The following EPHA6 variants were observed in gnomAD, a reference collection of about 807,000 sequenced individuals.
EPHA6 encodes EPH receptor A6.
A neutral mutation model predicts 112.0 loss-of-function variants in EPHA6; 50 were observed. The ratio of observed to expected loss-of-function variants is 0.45; its 90% CI spans 0.36 to 0.56. The LOEUF is 0.56. EPHA6 is among the 20% of genes least tolerant of loss of function. The probability of loss-of-function intolerance (pLI) is 0.00; values close to 1 mark genes in which losing one functional copy is unlikely to be tolerated. For synonymous variants in EPHA6, 529 were observed against 490.7 expected, an observed-to-expected ratio of 1.08 and a Z score of -1.03; for missense variants, 1,280 against 1,417.4, an observed-to-expected ratio of 0.90 and a Z score of 1.56.
chr3:97,268,815 A>G (rs1177439804), intron 5 of EPHA6, among the ~76,000 whole-genome samples: 2 of 152,204 alleles, frequency 1.3e-5, no homozygotes, highest in Non-Finnish European at 2.9e-5. Context: ...TATTAATGTA[A>G]GGATACTAAT....
At position 97,071,069 on chromosome 3, in the gene EPHA6, A is replaced by T. The variant is rs149535692; in HGVS notation, c.1114+83076A>T. Among the ~76,000 whole-genome samples the T allele has an allele frequency of 4.9e-3, 753 of 152,122 alleles. 6 individuals are homozygous for T. The highest frequency in any genetic ancestry group is 0.016 in the African/African-American group (663 of 41,546). ...TCTCCCACGAGAAAAATAGGACTAGATCCTTTGTTTGTCAGTAATTCCAAA... is the reference window on the plus strand; with the variant it reads ...TCTCCCACGAGAAAAATAGGACTAGTTCCTTTGTTTGTCAGTAATTCCAAA... On this transcript the variant is annotated intron_variant, in intron 3 of 17. Transcript: ENST00000389672.
At chr3:97,192,401 G>A (rs1057496635) in intron 3 of EPHA6, among the ~76,000 whole-genome samples, 5 of 152,104 alleles carry the variant, frequency 3.3e-5, no homozygotes, top group Non-Finnish European at 5.9e-5. Context: ...CAAAGTGCTA[G>A]GATTACAGGT....
chr3:97,748,339 T>C (rs1189900479), intron 17 of EPHA6, among the ~76,000 whole-genome samples: 2 of 152,106 alleles, frequency 1.3e-5, no homozygotes, highest in Non-Finnish European at 2.9e-5. Flanking sequence ...ATTAACTTTA[T>C]GTATTCTGTG....
At chr3:97,303,226 A>T (rs1481434491) in intron 5 of EPHA6, among the ~76,000 whole-genome samples, 1 of 152,008 alleles carries the variant, frequency 6.6e-6, no homozygotes, top group East Asian at 1.9e-4. Flanking sequence ...TGCAATCTTA[A>T]TCCACATCCA....
intron 14 of EPHA6, among the ~76,000 whole-genome samples, chr3:97,675,302 A>G (rs1479987438): frequency 6.6e-6 from 1 of 152,046 alleles, no homozygotes; most frequent in African/African-American, 2.4e-5. Context: ...ACCATGGTGA[A>G]ACCCCGTGTC....
chr3:96,988,714 A>G (rs1002139646), intron 3 of EPHA6, among the ~76,000 whole-genome samples: 4 of 152,130 alleles, frequency 2.6e-5, no homozygotes, highest in Non-Finnish European at 5.9e-5. Flanking sequence ...ATTTTTCACC[A>G]TATAACACAT....
At position 97,674,343 on chromosome 3, in the gene EPHA6, C is replaced by G. The variant is rs924588349; in HGVS notation, c.2784+36261C>G. Among the ~76,000 whole-genome samples, 10 of 152,168 alleles carry G rather than the reference C, an allele frequency of 6.6e-5. 1 individual carries two copies. The highest frequency in any genetic ancestry group is 2.2e-4 in the African/African-American group (9 of 41,448). ...CTCAGGCAAGAACAGTTGCAAAGTACTTATTTTCAGCAATTCAGTTTTATC... is the reference window on the plus strand; with the variant it reads ...CTCAGGCAAGAACAGTTGCAAAGTAGTTATTTTCAGCAATTCAGTTTTATC... On this transcript the variant is annotated intron_variant, in intron 14 of 17. Coordinates refer to ENST00000389672, the MANE Select transcript of EPHA6 (RefSeq NM_001080448.3).
intron 11 of EPHA6, among the ~76,000 whole-genome samples, chr3:97,573,720 A>G (rs982555361): frequency 6.6e-6 from 1 of 152,134 alleles, no homozygotes; most frequent in African/African-American, 2.4e-5. Flanking sequence ...TGTTTAGCCT[A>G]CAGTCAAAAA....
At chr3:97,079,627 A>G (rs563086346) in intron 3 of EPHA6, among the ~76,000 whole-genome samples, 1 of 151,290 alleles carries the variant, frequency 6.6e-6, no homozygotes, top group Non-Finnish European at 1.5e-5. Flanking sequence ...AAAAAAAGCA[A>G]CCACAGGGTT....
At chr3:97,467,026 C>T (rs754655575) in intron 7 of EPHA6, among the ~76,000 whole-genome samples, 172 of 151,892 alleles carry the variant, frequency 1.1e-3, no homozygotes, top group Non-Finnish European at 1.2e-3. Context: ...CACCCTCCCC[C>T]TCTTGTCCTG....
intron 1 of EPHA6, among the ~76,000 whole-genome samples, chr3:96,826,034 C>G (rs1246093806): frequency 4.0e-5 from 6 of 151,774 alleles, no homozygotes; most frequent in Non-Finnish European, 8.8e-5. Flanking sequence ...CACCCTATTG[C>G]AGGCATCATT....
At chr3:97,715,972 T>C (rs562287682) in intron 14 of EPHA6, among the ~76,000 whole-genome samples, 1 of 152,346 alleles carries the variant, frequency 6.6e-6, no homozygotes. Context: ...GTAAGAGAAG[T>C]ATTAGTAAAT....
intron 6 of EPHA6, among the ~76,000 whole-genome samples, chr3:97,442,962 A>G (rs2090189551): frequency 6.6e-6 from 1 of 152,146 alleles, no homozygotes; most frequent in African/African-American, 2.4e-5. Flanking sequence ...TGCTAATGCC[A>G]TAGTTCAGGC....
At chr3:96,981,656 G>T (rs536937622) in intron 2 of EPHA6, among the ~76,000 whole-genome samples, 1 of 152,062 alleles carries the variant, frequency 6.6e-6, no homozygotes, top group African/African-American at 2.4e-5. Flanking sequence ...ACCTCTGACA[G>T]AATTCTGCTG....
chr3:97,716,294 C>T (rs1193391729), intron 14 of EPHA6, among the ~76,000 whole-genome samples: 2 of 125,256 alleles, frequency 1.6e-5, no homozygotes, highest in Non-Finnish European at 1.5e-5. Context: ...ATGGGCCGGG[C>T]GCGGTGGCTC....
At chr3:97,679,799 A>G (rs2031714707) in intron 14 of EPHA6, among the ~76,000 whole-genome samples, 1 of 152,186 alleles carries the variant, frequency 6.6e-6, no homozygotes, top group Non-Finnish European at 1.5e-5. Context: ...TAAATTGTTC[A>G]GTATTACACT....
intron 12 of EPHA6, among the ~76,000 whole-genome samples, chr3:97,599,102 T>C (rs2093621044): frequency 6.6e-6 from 1 of 152,184 alleles, no homozygotes. Flanking sequence ...TGCCCACTTT[T>C]TGATGGGGTT....
intron 6 of EPHA6, among the ~76,000 whole-genome samples, chr3:97,407,435 A>C (rs1369807624): frequency 1.3e-5 from 2 of 151,782 alleles, no homozygotes; most frequent in African/African-American, 4.8e-5. Context: ...ATATGTAAAA[A>C]TTAAGACCCT....
intron 2 of EPHA6, among the ~76,000 whole-genome samples, chr3:96,942,821 G>T (rs2107692880): frequency 6.6e-6 from 1 of 152,230 alleles, no homozygotes; most frequent in East Asian, 1.9e-4. Flanking sequence ...CATTTCCTAA[G>T]CCTAGGAGAA....
Sources: allele counts gnomAD v4.1 joint callset (sites outside exome capture counted in the v4.1 genomes callset), GRCh38; gene constraint gnomAD v4.1.1; transcripts MANE v1.5; gene names NCBI Gene and HGNC (gene_info 2026-07-23, HGNC 2026-07-21).